Variants in CNTN5 observed in about 807,000 individuals in gnomAD.
CNTN5 encodes the protein contactin 5.
Under a neutral mutation model 129.1 loss-of-function variants are expected in CNTN5, and 77 were observed. The observed-to-expected ratio is 0.60, with a 90% CI of 0.50 to 0.72. The LOEUF is 0.72. Among genes scored for constraint, CNTN5 ranks in the 30% least tolerant of loss-of-function variants. CNTN5 has a pLI of 0.00. For missense variants in CNTN5, 1,478 were observed against 1,328.8 expected (o/e 1.11, Z -1.75); for synonymous variants, 509 against 465.6 (o/e 1.09, Z -1.20).
At chr11:99,533,884 T>C (rs1947805152) in intron 2 of CNTN5, among the ~76,000 whole-genome samples, 1 of 152,150 alleles carries the variant, frequency 6.6e-6, no homozygotes, top group Non-Finnish European at 1.5e-5. Flanking sequence ...TGGGAAACAT[T>C]GCAGGGTCCA....
intron 2 of CNTN5, among the ~76,000 whole-genome samples, chr11:99,339,035 A>G (rs1244897414): frequency 6.9e-6 from 1 of 145,890 alleles, no homozygotes; most frequent in East Asian, 2.0e-4. Flanking sequence ...GCCATGAATC[A>G]TTTTATTAGT....
intron 9 of CNTN5, among the ~76,000 whole-genome samples, chr11:100,056,886 G>A (rs1402709445): frequency 6.6e-6 from 1 of 151,556 alleles, no homozygotes; most frequent in Non-Finnish European, 1.5e-5. Flanking sequence ...AAACATGAAA[G>A]CAATATCTGA....
At chr11:100,294,574 C>T (rs1052542712) in intron 18 of CNTN5, among the ~76,000 whole-genome samples, 1 of 151,644 alleles carries the variant, frequency 6.6e-6, no homozygotes, top group Non-Finnish European at 1.5e-5. Flanking sequence ...ATGCTCAAGA[C>T]ATTTATCAGT....
chr11:100,005,352 A>G (rs1940126751), intron 9 of CNTN5, among the ~76,000 whole-genome samples: 3 of 152,088 alleles, frequency 2.0e-5, no homozygotes, highest in African/African-American at 4.8e-5. Context: ...ATTACATGCT[A>G]TACTTGCCTC....
intron 1 of CNTN5, among the ~76,000 whole-genome samples, chr11:99,245,552 C>T (rs549155661): frequency 6.6e-6 from 1 of 152,154 alleles, no homozygotes; most frequent in African/African-American, 2.4e-5. Flanking sequence ...AACTCCTGAC[C>T]TCAAGTAATC....
At chr11:99,477,287 C>A (rs1945407709) in intron 2 of CNTN5, among the ~76,000 whole-genome samples, 1 of 151,702 alleles carries the variant, frequency 6.6e-6, no homozygotes, top group South Asian at 2.1e-4. Context: ...CAGTTCTCTG[C>A]ATTTTCTGTA....
At chr11:99,388,310 G>T (rs986906992) in intron 2 of CNTN5, among the ~76,000 whole-genome samples, 1 of 151,164 alleles carries the variant, frequency 6.6e-6, no homozygotes, top group African/African-American at 2.4e-5. Context: ...AGCTACTTGG[G>T]AGGCTGAGGC....
chr11:99,915,048 C>A (rs954883245), intron 6 of CNTN5, among the ~76,000 whole-genome samples: 1 of 151,920 alleles, frequency 6.6e-6, no homozygotes, highest in East Asian at 1.9e-4. Flanking sequence ...TTTTAAAAAT[C>A]TATTTTACAA....
chr11:99,275,629 A>T (rs1863392948), intron 1 of CNTN5, among the ~76,000 whole-genome samples: 1 of 151,670 alleles, frequency 6.6e-6, no homozygotes, highest in African/African-American at 2.4e-5. Flanking sequence ...AGTAGGGTGT[A>T]TATATTTGCT....
chr11:99,483,225 A>C (rs1945674883), intron 2 of CNTN5, among the ~76,000 whole-genome samples: 1 of 150,804 alleles, frequency 6.6e-6, no homozygotes, highest in African/African-American at 2.4e-5. Context: ...AAACAAAAGG[A>C]AGTAAAGTGC....
chr11:99,764,199 C>T (rs1565503345), intron 3 of CNTN5, among the ~76,000 whole-genome samples: 1 of 151,512 alleles, frequency 6.6e-6, no homozygotes, highest in Non-Finnish European at 1.5e-5. Context: ...ATGTACAAAA[C>T]CTTAAAAACT....
chr11:99,171,539 T>C lies in CNTN5; in HGVS notation c.-210+150269T>C, dbSNP rs116955708. Among the ~76,000 whole-genome samples the C allele has an allele frequency of 2.3e-3, 350 of 152,330 alleles. 16 individuals carry two copies. The East Asian group carries it at 0.057, about 25-fold the overall frequency. On this transcript the variant is annotated intron_variant, in intron 1 of 24. Coordinates refer to ENST00000524871, the MANE Select transcript of CNTN5 (RefSeq NM_014361.4). ...GTTCCCCATAAAAATTTACCTGCTC[T>C]ATGTCCTGTTTCCTTGTAGTTTGTT...
At position 99,992,036 on chromosome 11, in the gene CNTN5, C is replaced by T. The variant is rs148949883; in HGVS notation, c.878-9998C>T. Among the ~76,000 whole-genome samples the T allele has an allele frequency of 2.3e-3, 347 of 152,174 alleles. 2 individuals are homozygous for T. The highest frequency in any genetic ancestry group is 8.1e-3 in the African/African-American group (336 of 41,518). On this transcript the variant is annotated intron_variant, in intron 8 of 24. Coordinates refer to ENST00000524871, the MANE Select transcript of CNTN5 (RefSeq NM_014361.4). ...AAACGAAGCAATGAAAAAATAGTTG[C>T]TATTTTTTAGAAGACAAGAAACAGA...
At chr11:100,154,107 C>T (rs1219901034) in intron 13 of CNTN5, among the ~76,000 whole-genome samples, 1 of 152,002 alleles carries the variant, frequency 6.6e-6, no homozygotes, top group Non-Finnish European at 1.5e-5. Context: ...CCTCCTCTAG[C>T]ACCCCAACCC....
chr11:99,923,753 G>GTCTATCTATCTATCTA lies in CNTN5; in HGVS notation c.673+7607_673+7608insATCTATCTATCTATCT, dbSNP rs1353477282. Among the ~76,000 whole-genome samples the GTCTATCTATCTATCTA allele has an allele frequency of 4.6e-3, 535 of 116,260 alleles. 4 individuals carry two copies. Among genetic ancestry groups the GTCTATCTATCTATCTA allele is most frequent in the African/African-American group, 6.3e-3 (175 of 27,568 alleles). 76.3% of individuals were successfully genotyped at this position (116,260 alleles called of 152,430 possible). A position where few individuals can be genotyped will look rare whatever the true frequency, so the allele number is the denominator to read the frequency against. On this transcript the variant is annotated intron_variant, in intron 7 of 24. Coordinates refer to ENST00000524871, the MANE Select transcript of CNTN5 (RefSeq NM_014361.4). ...CAATATCTGTCTATCTAATCTATCT[G>GTCTATCTATCTATCTA]TCTGTCTATCTATCTATCTATCTAT...
intron 1 of CNTN5, among the ~76,000 whole-genome samples, chr11:99,187,543 T>C (rs1858416198): frequency 6.6e-6 from 1 of 151,910 alleles, no homozygotes; most frequent in Admixed American, 6.6e-5. Flanking sequence ...TTAATATCAA[T>C]GTTTTAACTA....
At chr11:99,892,814 C>G (rs1565646880) in intron 6 of CNTN5, among the ~76,000 whole-genome samples, 1 of 152,044 alleles carries the variant, frequency 6.6e-6, no homozygotes, top group African/African-American at 2.4e-5. Context: ...TATGTGGGCT[C>G]TTTTTTGGTT....
At chr11:100,046,426 A>G (rs1942680799) in intron 9 of CNTN5, among the ~76,000 whole-genome samples, 1 of 152,156 alleles carries the variant, frequency 6.6e-6, no homozygotes, top group African/African-American at 2.4e-5. Context: ...ATTTAAGACA[A>G]TTATGTTATG....
chr11:99,289,432 C>T lies in CNTN5; in HGVS notation c.-209-35914C>T, dbSNP rs565944450. Among the ~76,000 whole-genome samples the T allele has an allele frequency of 3.3e-5, 5 of 151,846 alleles. No homozygotes were observed. The South Asian group carries it at 8.3e-4, about 25-fold the overall frequency. ...CTGGGAGATCAGAGTGTATACATTG[C>T]TATTAATAGTTACCTACTTAATATC... On this transcript the variant is annotated intron_variant, in intron 1 of 24. Transcript: ENST00000524871.
Sources: allele counts gnomAD v4.1 joint callset (sites outside exome capture counted in the v4.1 genomes callset), GRCh38; gene constraint gnomAD v4.1.1; transcripts MANE v1.5; gene names NCBI Gene and HGNC (gene_info 2026-07-23, HGNC 2026-07-21).